The following RNF2 variants were observed in gnomAD, a reference collection of about 807,000 sequenced individuals.
RNF2 encodes E3 ubiquitin-protein ligase RING2.
RNF2 carries 6 observed loss-of-function variants against 37.2 expected under a neutral mutation model. The ratio of observed to expected loss-of-function variants is 0.16; its 90% CI spans 0.09 to 0.32. RNF2 has a LOEUF of 0.32. Among genes scored for constraint, RNF2 ranks in the 10% least tolerant of loss-of-function variants. The pLI is 1.00. For synonymous variants in RNF2, 133 were observed against 132.7 expected (o/e 1.00, Z -0.02); for missense variants, 251 against 404.0 (o/e 0.62, Z 3.25).
intron 1 of RNF2, among the ~76,000 whole-genome samples, chr1:185,061,610 G>T (rs567522703): frequency 7.2e-5 from 11 of 152,274 alleles, no homozygotes; most frequent in African/African-American, 2.4e-4. Flanking sequence ...GAAAAAAACG[G>T]CAGGAATCAT....
chr1:185,083,889 G>C (rs1214443323), intron 1 of RNF2, among the ~76,000 whole-genome samples: 1 of 145,526 alleles, frequency 6.9e-6, no homozygotes. Context: ...TTACAGGTGT[G>C]AGCCACTGTG....
chr1:185,070,554 T>C (rs911540962), intron 1 of RNF2, among the ~76,000 whole-genome samples: 1 of 152,222 alleles, frequency 6.6e-6, no homozygotes, highest in East Asian at 1.9e-4. Context: ...AATGGGAACC[T>C]CAATTAGTAT....
At chr1:185,070,102 G>C (rs1218933904) in intron 1 of RNF2, among the ~76,000 whole-genome samples, 1 of 152,168 alleles carries the variant, frequency 6.6e-6, no homozygotes, top group South Asian at 2.1e-4. Flanking sequence ...CATGTTAGGG[G>C]ACTAGGAAAT....
intron 3 of RNF2, among the ~76,000 whole-genome samples, chr1:185,092,247 G>C (rs1305840062): frequency 1.3e-5 from 2 of 151,014 alleles, no homozygotes; most frequent in Admixed American, 1.3e-4. Flanking sequence ...CACAATCTCG[G>C]CTCACTGCAA....
chr1:185,061,128 CTTTT>C (rs34284435), intron 1 of RNF2, among the ~76,000 whole-genome samples: 25 of 122,544 alleles, frequency 2.0e-4, no homozygotes, highest in African/African-American at 6.6e-4. Context: ...TTCTCTCTCT[CTTTT>C]TTTTTTTTTT....
chr1:185,056,620 C>T (rs144496402), intron 1 of RNF2, among the ~76,000 whole-genome samples: 1,549 of 152,280 alleles, frequency 0.01, 26 homozygotes, highest in African/African-American at 0.034. Context: ...ATCCTCCCTC[C>T]TTGGCCTCCC....
chr1:185,081,782 T>C (rs755010960), intron 1 of RNF2, among the ~76,000 whole-genome samples: 4 of 152,112 alleles, frequency 2.6e-5, no homozygotes, highest in South Asian at 2.1e-4. Flanking sequence ...TGGGCCCTTT[T>C]TGTTGATCAG....
intron 1 of RNF2, among the ~76,000 whole-genome samples, chr1:185,072,559 A>G (rs923449544): frequency 3.3e-5 from 5 of 152,014 alleles, no homozygotes; most frequent in African/African-American, 1.2e-4. Context: ...GGGGGGAAGA[A>G]ATCATTCCTT....
intron 1 of RNF2, among the ~76,000 whole-genome samples, chr1:185,048,641 C>G (rs577784631): frequency 1.3e-5 from 2 of 152,208 alleles, no homozygotes; most frequent in South Asian, 2.1e-4. Context: ...CATTTGTTTT[C>G]AAAAGATATG....
intron 1 of RNF2, among the ~76,000 whole-genome samples, chr1:185,053,762 C>T (rs546986436): frequency 6.6e-6 from 1 of 152,256 alleles, no homozygotes; most frequent in East Asian, 1.9e-4. Flanking sequence ...GTAATAGGCT[C>T]TCAATAAATA....
At chr1:185,049,417 TA>T (rs1286066396) in intron 1 of RNF2, among the ~76,000 whole-genome samples, 1 of 152,224 alleles carries the variant, frequency 6.6e-6, no homozygotes, top group Non-Finnish European at 1.5e-5. Flanking sequence ...TGTAGTAGTT[TA>T]AATCACAAAA....
chr1:185,046,518 C>G (rs993281031), intron 1 of RNF2, among the ~76,000 whole-genome samples: 4 of 152,086 alleles, frequency 2.6e-5, no homozygotes, highest in African/African-American at 9.7e-5. Flanking sequence ...GAGGTTCATT[C>G]CAGTTATTTG....
At chr1:185,048,795 T>A (rs557164761) in intron 1 of RNF2, among the ~76,000 whole-genome samples, 1 of 152,158 alleles carries the variant, frequency 6.6e-6, no homozygotes, top group East Asian at 1.9e-4. Flanking sequence ...TGAAAATCCC[T>A]CAGGAAGGCA....
chr1:185,057,469 G>A (rs1418901814), intron 1 of RNF2, among the ~76,000 whole-genome samples: 1 of 151,996 alleles, frequency 6.6e-6, no homozygotes, highest in Admixed American at 6.6e-5. Context: ...TTGTATTTAT[G>A]TTCATGATAA....
chr1:185,049,566 A>G (rs1292260409), intron 1 of RNF2, among the ~76,000 whole-genome samples: 1 of 151,972 alleles, frequency 6.6e-6, no homozygotes, highest in African/African-American at 2.4e-5. Context: ...GAGAGCAGTT[A>G]GAATTATTGT....
chr1:185,071,585 A>G (rs577642145), intron 1 of RNF2: 1 of 153,406 alleles, frequency 6.5e-6, no homozygotes, highest in Non-Finnish European at 1.5e-5. Flanking sequence ...TCCAGGATGT[A>G]CTTGTTAAAG....
At chr1:185,064,138 A>G (rs1270610801) in intron 1 of RNF2, among the ~76,000 whole-genome samples, 1 of 152,138 alleles carries the variant, frequency 6.6e-6, no homozygotes, top group Non-Finnish European at 1.5e-5. Context: ...AACAAATGGA[A>G]TATTTCAATC....
At chr1:185,052,146 G>T (rs925802413) in intron 1 of RNF2, among the ~76,000 whole-genome samples, 3 of 151,994 alleles carry the variant, frequency 2.0e-5, no homozygotes, top group Admixed American at 6.5e-5. Flanking sequence ...GACCATTTCA[G>T]ACTCATTCCT....
chr1:185,046,991 TC>T (rs1283989233), intron 1 of RNF2, among the ~76,000 whole-genome samples: 1 of 152,230 alleles, frequency 6.6e-6, no homozygotes, highest in Non-Finnish European at 1.5e-5. Flanking sequence ...TCTTGGTTAT[TC>T]CCTTTTTCCC....
Sources: gnomAD v4.1 joint callset for allele counts (sites outside exome capture counted in the v4.1 genomes callset) on GRCh38, gnomAD v4.1.1 for gene constraint, MANE v1.5 for transcripts, NCBI Gene and HGNC (gene_info 2026-07-23, HGNC 2026-07-21) for gene names.